The following VPS41 variants were observed in gnomAD, a reference collection of about 807,000 sequenced individuals.
VPS41 encodes vacuolar protein sorting-associated protein 41 homolog.
VPS41 carries 85 observed loss-of-function variants against 130.9 expected under a neutral mutation model. The ratio of observed to expected loss-of-function variants is 0.65; its 90% CI spans 0.55 to 0.78. The LOEUF (loss-of-function observed/expected upper bound fraction) is 0.78. Among genes scored for constraint, VPS41 ranks in the 30% least tolerant of loss-of-function variants. The pLI, the probability that VPS41 is intolerant of heterozygous loss-of-function variation, is 0.00. For missense variants in VPS41, 874 were observed against 1,018.7 expected (o/e 0.86, Z 1.93); for synonymous variants, 335 against 332.9 (o/e 1.01, Z -0.07).
At chr7:38,883,748 AG>A (rs1400499277) in intron 2 of VPS41, among the ~76,000 whole-genome samples, 4 of 152,192 alleles carry the variant, frequency 2.6e-5, no homozygotes, top group Non-Finnish European at 4.4e-5. Context: ...ATATCATACC[AG>A]GGGAGTTGTT....
At chr7:38,909,120 C>G (rs1461061814) in intron 1 of VPS41, 34 bp downstream of exon 1, 1 of 1,600,860 alleles carries the variant, frequency 6.2e-7, no homozygotes, top group African/African-American at 1.3e-5. Context: ...GTCTCTATAT[C>G]CCTGTGCCCT....
intron 10 of VPS41, among the ~76,000 whole-genome samples, chr7:38,778,668 G>C (rs1177771556): frequency 1.3e-5 from 2 of 152,130 alleles, no homozygotes; most frequent in Non-Finnish European, 2.9e-5. Flanking sequence ...TGGGTGAAGA[G>C]CAGAGAATCA....
In VPS41 at chr7:38,759,588, G is replaced by A. The variant is rs374549242; in HGVS notation, c.1423-1107C>T. Among the ~76,000 whole-genome samples the A allele has an allele frequency of 1.3e-4, 20 of 152,262 alleles. No individual in the cohort carries two copies. In the East Asian group the frequency reaches 3.7e-3, roughly 28 times the overall value. On this transcript the variant is annotated intron_variant, in intron 17 of 28. Transcript: ENST00000310301. ...CAATAAATCTCCATTTAGCATTCCTGGGAGGCAGGTCGTGCCATCTACTTC... is the reference window on the plus strand; with the variant it reads ...CAATAAATCTCCATTTAGCATTCCTAGGAGGCAGGTCGTGCCATCTACTTC...
chr7:38,789,919 T>A (rs1419950413), intron 9 of VPS41, 52 bp from the exon 10 acceptor site: 1 of 1,584,080 alleles, frequency 6.3e-7, no homozygotes, highest in East Asian at 2.2e-5. Context: ...AAATTCTTCA[T>A]AACATTTTAT....
intron 6 of VPS41, among the ~76,000 whole-genome samples, 191 bp from the exon 7 acceptor site, chr7:38,818,073 C>T (rs1389427407): frequency 1.3e-5 from 2 of 152,128 alleles, no homozygotes; most frequent in African/African-American, 4.8e-5. Flanking sequence ...AAGATTTCTT[C>T]TCTGAAGCCA....
At chr7:38,819,537 G>C (rs1177450436) in intron 6 of VPS41, among the ~76,000 whole-genome samples, 2 of 152,022 alleles carry the variant, frequency 1.3e-5, no homozygotes, top group African/African-American at 2.4e-5. Flanking sequence ...CATGTATAGT[G>C]ACCCTCCTGC....
At chr7:38,800,158 C>T (rs1040211392) in intron 7 of VPS41, among the ~76,000 whole-genome samples, 10 of 152,102 alleles carry the variant, frequency 6.6e-5, no homozygotes, top group East Asian at 3.8e-4. Context: ...TGAGGAATGA[C>T]GGAGCATAAT....
Position 38,830,314 on chromosome 7 carries a change from T to G in VPS41, c.261A>C (p.Ile87=), listed in dbSNP as rs1158852475. 1 of 1,610,426 alleles carries G rather than the reference T, an allele frequency of 6.2e-7. No individual in the cohort carries two copies. Among genetic ancestry groups the G allele is most frequent in the Non-Finnish European group, 8.5e-7 (1 of 1,176,686 alleles). ...CACTTTCATCCAAGCTAATCTGATT[T>G]ATCTTCACAGGACTCTAAAAAGAAA... ...TQKFDVSPVK[I]NQISLDESGE... Residue 87 remains isoleucine (I), a synonymous_variant, in exon 5 of 29, where the codon ATA becomes ATC. Coordinates refer to ENST00000310301, the MANE Select transcript of VPS41 (RefSeq NM_014396.4).
At chr7:38,857,501 T>C (rs761975751) in intron 4 of VPS41, among the ~76,000 whole-genome samples, 5 of 152,222 alleles carry the variant, frequency 3.3e-5, no homozygotes, top group Non-Finnish European at 5.9e-5. Context: ...TGCTCCTAAA[T>C]ATTTAACAGA....
intron 22 of VPS41, among the ~76,000 whole-genome samples, chr7:38,748,924 C>G (rs948265260): frequency 6.6e-6 from 1 of 152,022 alleles, no homozygotes; most frequent in Non-Finnish European, 1.5e-5. Flanking sequence ...TAAAACGACT[C>G]TATCCACCTA....
At chr7:38,750,248 T>C (rs1422324468) in intron 22 of VPS41, among the ~76,000 whole-genome samples, 1 of 152,200 alleles carries the variant, frequency 6.6e-6, no homozygotes, top group African/African-American at 2.4e-5. Context: ...CAGCTTTGGG[T>C]ACCTGATAGG....
In VPS41 at chr7:38,809,246, A is replaced by AT. The variant is rs138906075; in HGVS notation, c.450+8570_450+8571insA. On this transcript the variant is annotated intron_variant, in intron 7 of 28. Coordinates refer to ENST00000310301, the MANE Select transcript of VPS41 (RefSeq NM_014396.4). ...ACGCCTGTAATCCTAGCACTTTGGG[A>AT]GGCCGAGGCAGGCGGATCACGAGGT... Among the ~76,000 whole-genome samples, 844 of 151,400 alleles carry AT rather than the reference A, an allele frequency of 5.6e-3. 11 individuals are homozygous for AT. Among genetic ancestry groups the AT allele is most frequent in the African/African-American group, 0.019 (800 of 41,378 alleles).
At position 38,742,130 on chromosome 7, in the gene VPS41, T is replaced by C; in HGVS notation, c.2123-9A>G. The C allele has an allele frequency of 1.9e-6, 3 of 1,602,934 alleles. No homozygotes were observed. Among genetic ancestry groups the C allele is most frequent in the Non-Finnish European group, 2.5e-6 (3 of 1,176,752 alleles). ...CAAGCCAGTAATAAATGCTACAAAA[T>C]ACCACATAAAACAATGAACATATAA... On this transcript the variant is annotated splice_polypyrimidine_tract_variant and intron_variant, in intron 24 of 28. Coordinates refer to ENST00000310301, the MANE Select transcript of VPS41 (RefSeq NM_014396.4).
At chr7:38,861,421 T>A (rs183273004) in intron 4 of VPS41, among the ~76,000 whole-genome samples, 2 of 152,280 alleles carry the variant, frequency 1.3e-5, no homozygotes, top group East Asian at 3.9e-4. Flanking sequence ...GTCATCAAGA[T>A]GCATGTCCAG....
At chr7:38,778,573 C>CTGGT (rs1784301184) in intron 10 of VPS41, among the ~76,000 whole-genome samples, 1 of 152,192 alleles carries the variant, frequency 6.6e-6, no homozygotes, top group African/African-American at 2.4e-5. Context: ...TAATCTCTGA[C>CTGGT]TGGTAGAAAT....
intron 6 of VPS41, among the ~76,000 whole-genome samples, chr7:38,820,828 A>C (rs1346810097): frequency 6.6e-6 from 1 of 152,112 alleles, no homozygotes; most frequent in African/African-American, 2.4e-5. Flanking sequence ...ACATCACTCC[A>C]CCAATGAAGC....
At chr7:38,727,090 A>C (rs748570889) in intron 27 of VPS41, 102 bp from the exon 28 acceptor site, 23 of 1,130,316 alleles carry the variant, frequency 2.0e-5, no homozygotes, top group Non-Finnish European at 2.7e-5. Context: ...ATTTTCAGCA[A>C]TAAGGTGCCT....
chr7:38,899,209 G>A (rs1787087930), intron 1 of VPS41, among the ~76,000 whole-genome samples: 1 of 152,238 alleles, frequency 6.6e-6, no homozygotes, highest in African/African-American at 2.4e-5. Context: ...GTAAAATGGG[G>A]ATATGTTCCT....
At chr7:38,813,364 G>A (rs1034209846) in intron 7 of VPS41, among the ~76,000 whole-genome samples, 1 of 151,908 alleles carries the variant, frequency 6.6e-6, no homozygotes, top group African/African-American at 2.4e-5. Flanking sequence ...TGAGAGGAGG[G>A]GAGGAAGGAA....
Sources: allele counts gnomAD v4.1 joint callset (sites outside exome capture counted in the v4.1 genomes callset), GRCh38; gene constraint gnomAD v4.1.1; transcripts MANE v1.5; gene names NCBI Gene and HGNC (gene_info 2026-07-23, HGNC 2026-07-21).